The following SLC45A4 variants were observed in gnomAD, a reference collection of about 807,000 sequenced individuals.
SLC45A4 encodes the protein polyamine-transporter SLC45A4.
In SLC45A4, 32 loss-of-function variants were observed where a neutral mutation model predicts 63.7. The observed-to-expected ratio is 0.50, with a 90% confidence interval of 0.38 to 0.67. The LOEUF is 0.67. Ranked by LOEUF, SLC45A4 falls within the 30% of genes least tolerant of loss-of-function variation. SLC45A4 has a pLI of 0.00. For synonymous variants in SLC45A4, 535 were observed against 510.0 expected, an observed-to-expected ratio of 1.05 and a Z score of -0.66; for missense variants, 1,027 against 1,157.7, an observed-to-expected ratio of 0.89 and a Z score of 1.64.
chr8:141,304,573 A>AGC (rs1830842850), intron 1 of SLC45A4, among the ~76,000 whole-genome samples: 1 of 128,938 alleles, frequency 7.8e-6, no homozygotes, highest in Non-Finnish European at 1.7e-5. Flanking sequence ...AAAAAAAAAA[A>AGC]GGGGGGGAGA....
At chr8:141,248,122 C>A (rs1348076751) in intron 2 of SLC45A4, among the ~76,000 whole-genome samples, 1 of 152,178 alleles carries the variant, frequency 6.6e-6, no homozygotes, top group Non-Finnish European at 1.5e-5. Context: ...GTACTACACT[C>A]CAGCCCAGGC....
chr8:141,277,831 A>C (rs1215552514), intron 1 of SLC45A4, among the ~76,000 whole-genome samples: 1 of 151,978 alleles, frequency 6.6e-6, no homozygotes, highest in Middle Eastern at 3.4e-3. Flanking sequence ...TTTTGTAGAG[A>C]TGGGGTTTCA....
intron 1 of SLC45A4, among the ~76,000 whole-genome samples, chr8:141,307,796 C>T (rs2154615565): frequency 7.5e-6 from 1 of 134,068 alleles, no homozygotes; most frequent in South Asian, 2.6e-4. Context: ...AAGGCGCGCG[C>T]CCCGGGGTGG....
chr8:141,270,254 C>T (rs960616392), intron 1 of SLC45A4, among the ~76,000 whole-genome samples: 8 of 151,800 alleles, frequency 5.3e-5, no homozygotes, highest in South Asian at 4.2e-4. Flanking sequence ...AACCAGGGGG[C>T]GGTGGCTCAC....
At chr8:141,240,213 C>T (rs1827842847) in intron 2 of SLC45A4, among the ~76,000 whole-genome samples, 4 of 152,236 alleles carry the variant, frequency 2.6e-5, no homozygotes, top group Admixed American at 2.6e-4. Context: ...GTCACTTATT[C>T]ATTCTCGGAT....
Position 141,218,999 on chromosome 8 carries a change from C to G in SLC45A4, c.641G>C (p.Gly214Ala). 1 of 1,612,834 alleles carries G rather than the reference C, an allele frequency of 6.2e-7. No homozygotes were observed. The highest frequency in any genetic ancestry group is 8.5e-7 in the Non-Finnish European group (1 of 1,179,614). Residue 214 changes from glycine (G) to alanine (A), a missense_variant, in exon 5 of 9, where the codon GGT becomes GCT. Coordinates refer to ENST00000517878, the MANE Select transcript of SLC45A4 (RefSeq NM_001286646.2). The stretch of plus-strand genomic sequence containing the variant: ...GAAGGTCTGGGTCCAGTCCAGCCCA[C>G]CCAGCACGTAGCCGATGGCTCCGCC... ...GLGGAIGYVL[G>A]GLDWTQTFLG...
intron 2 of SLC45A4, chr8:141,225,871 C>T (rs934938227): frequency 1.3e-5 from 2 of 153,076 alleles, no homozygotes; most frequent in African/African-American, 4.8e-5. Context: ...GCCTCCTCCC[C>T]TTTGCCCTCA....
chr8:141,266,969 G>A (rs1829292554), intron 1 of SLC45A4, among the ~76,000 whole-genome samples: 1 of 152,246 alleles, frequency 6.6e-6, no homozygotes, highest in African/African-American at 2.4e-5. Context: ...CTGGCAAGCT[G>A]TCTTGAGCTA....
intron 1 of SLC45A4, among the ~76,000 whole-genome samples, chr8:141,295,175 G>A (rs1830499665): frequency 6.6e-6 from 1 of 152,240 alleles, no homozygotes; most frequent in Admixed American, 6.5e-5. Flanking sequence ...CTGGAGGCAT[G>A]TGAGCCAGGG....
At chr8:141,235,759 C>T (rs557141239) in intron 2 of SLC45A4, among the ~76,000 whole-genome samples, 5 of 152,182 alleles carry the variant, frequency 3.3e-5, no homozygotes, top group Non-Finnish European at 7.3e-5. Flanking sequence ...AAAATTTAAG[C>T]GTGTGCATGT....
chr8:141,216,063 C>T, intron 6 of SLC45A4, 93 bp from the exon 7 acceptor site: 1 of 1,134,482 alleles, frequency 8.8e-7, no homozygotes, highest in Non-Finnish European at 1.3e-6. Flanking sequence ...CCCCACATCC[C>T]CCCGACCTCC....
intron 1 of SLC45A4, among the ~76,000 whole-genome samples, chr8:141,289,131 G>A (rs577361279): frequency 3.3e-5 from 5 of 152,308 alleles, no homozygotes; most frequent in African/African-American, 9.6e-5. Context: ...GAGGATGATC[G>A]GAGAAGGCGG....
Position 141,210,374 on chromosome 8 carries a change from C to T in SLC45A4, c.*1198G>A, listed in dbSNP as rs573128176. The T allele has an allele frequency of 6.6e-6, 1 of 152,408 alleles. No homozygotes were observed. The highest frequency in any genetic ancestry group is 2.1e-4 in the South Asian group (1 of 4,834). The allele number at this position is 152,408 out of a possible 1,614,324, so 9.4% of individuals were successfully genotyped here. On this transcript the variant is annotated 3_prime_UTR_variant, in exon 9 of 9. Transcript: ENST00000517878. ...TAGTCGGACTTGCCCTGTCCAAGCA[C>T]GAGATTCACAAGGCCATTCTCAAGT...
chr8:141,247,977 C>A (rs1478746691), intron 2 of SLC45A4, among the ~76,000 whole-genome samples: 1 of 152,098 alleles, frequency 6.6e-6, no homozygotes, highest in Non-Finnish European at 1.5e-5. Flanking sequence ...TCAACTCTTA[C>A]GGTATACAAA....
intron 2 of SLC45A4, among the ~76,000 whole-genome samples, chr8:141,240,067 A>G (rs947716929): frequency 6.6e-6 from 1 of 152,256 alleles, no homozygotes; most frequent in Admixed American, 6.5e-5. Context: ...CGAAACGACA[A>G]TGAAGAATGG....
chr8:141,215,848 T>C lies in SLC45A4; in HGVS notation c.1852A>G (p.Met618Val), dbSNP rs1235595939. Reference protein sequence around the residue: ...MAMFPNVYVAMVTISTMGIVS... With the variant: ...MAMFPNVYVAVVTISTMGIVS... Reference sequence around the variant, plus strand: ...ATGCCCATGGTGCTGATGGTGACCATGGCGACGTAGACGTTGGGAAACATG... The same window carrying C: ...ATGCCCATGGTGCTGATGGTGACCACGGCGACGTAGACGTTGGGAAACATG... The change falls in exon 7 of 9, where the codon ATG becomes GTG. Residue 618 changes from methionine to valine, a missense_variant. Transcript: ENST00000517878. The surrounding 1 kb of genome is among the most constrained non-coding windows in gnomAD (Gnocchi z 4.3). 28 of 1,613,996 alleles carry C rather than the reference T, an allele frequency of 1.7e-5. No individual in the cohort carries two copies. The highest frequency in any genetic ancestry group is 2.4e-5 in the Non-Finnish European group (28 of 1,180,002).
At chr8:141,282,897 G>A (rs111292096) in intron 1 of SLC45A4, among the ~76,000 whole-genome samples, 2,231 of 152,348 alleles carry the variant, frequency 0.015, 54 homozygotes, top group African/African-American at 0.051. Context: ...AGTCAGAGAT[G>A]CAGGGCAGGG....
intron 5 of SLC45A4, among the ~76,000 whole-genome samples, 187 bp downstream of exon 5, chr8:141,217,824 C>T (rs1335822116): frequency 1.3e-5 from 2 of 152,224 alleles, no homozygotes; most frequent in Admixed American, 6.5e-5. Context: ...ACGGCCCCCA[C>T]CAAGTTCCCA....
chr8:141,210,806 G>A lies in SLC45A4; in HGVS notation c.*766C>T, dbSNP rs1019406564. 4.6e-5 allele frequency: 7 copies of A among 152,134 alleles called. No individual in the cohort carries two copies. The highest frequency in any genetic ancestry group is 7.3e-5 in the Non-Finnish European group (5 of 68,036). The allele number at this position is 152,134 out of a possible 1,614,324, so 9.4% of individuals were successfully genotyped here. On this transcript the variant is annotated 3_prime_UTR_variant, in exon 9 of 9. Transcript: ENST00000517878. ...GTCTGACTTTATCTGTGTGATGTGCGGGGCCTCCCTGTCTCCTGATCTCAG... is the reference window on the plus strand; with the variant it reads ...GTCTGACTTTATCTGTGTGATGTGCAGGGCCTCCCTGTCTCCTGATCTCAG...
Sources: allele counts gnomAD v4.1 joint callset (sites outside exome capture counted in the v4.1 genomes callset), GRCh38; gene constraint gnomAD v4.1.1; non-coding constraint Gnocchi (gnomAD v3.1); transcripts MANE v1.5; gene names NCBI Gene and HGNC (gene_info 2026-07-23, HGNC 2026-07-21).